Variants in SCAMP1 observed in about 807,000 individuals in gnomAD.
SCAMP1 encodes secretory carrier membrane protein 1, also known as secretory carrier-associated membrane protein 1.
SCAMP1 carries 15 observed loss-of-function variants against 41.8 expected under a neutral mutation model. The ratio of observed to expected loss-of-function variants is 0.36; its 90% CI spans 0.24 to 0.55. The LOEUF is 0.55. Ranked by LOEUF, SCAMP1 falls within the 20% of genes least tolerant of loss-of-function variation. The pLI, the probability that SCAMP1 is intolerant of heterozygous loss-of-function variation, is 0.86. For missense variants in SCAMP1, 341 were observed against 412.6 expected (o/e 0.83, Z 1.50); for synonymous variants, 135 against 136.8 (o/e 0.99, Z 0.09).
In SCAMP1 at chr5:78,479,199, T is replaced by G. The variant is rs1167935562; in HGVS notation, c.*3531T>G. ...CATATACCATTTCACTATATCTCCT[T>G]TCAGTTTTTCCTTAAGGAAAATGTT... On this transcript the variant is annotated 3_prime_UTR_variant, in exon 9 of 9. Transcript: ENST00000621999. 1 of 152,184 alleles carries G rather than the reference T, an allele frequency of 6.6e-6. No individual in the cohort carries two copies. The highest frequency in any genetic ancestry group is 1.5e-5 in the Non-Finnish European group (1 of 68,006). 9.4% of individuals were successfully genotyped at this position (152,184 alleles called of 1,614,324 possible).
intron 6 of SCAMP1, among the ~76,000 whole-genome samples, chr5:78,436,932 T>C (rs1752772120): frequency 6.6e-6 from 1 of 152,166 alleles, no homozygotes; most frequent in African/African-American, 2.4e-5. Flanking sequence ...CTTGAAGGGG[T>C]CCTTCACATC....
chr5:78,395,050 A>G (rs1751616553), intron 2 of SCAMP1, among the ~76,000 whole-genome samples: 1 of 152,148 alleles, frequency 6.6e-6, no homozygotes, highest in African/African-American at 2.4e-5. Flanking sequence ...TATTTTCCTA[A>G]AGCAGAGGTC....
chr5:78,404,553 G>T (rs1751886264), intron 2 of SCAMP1, among the ~76,000 whole-genome samples: 1 of 147,810 alleles, frequency 6.8e-6, no homozygotes, highest in African/African-American at 2.5e-5. Context: ...GTGTTCAGAA[G>T]CACTCTATAG....
intron 6 of SCAMP1, among the ~76,000 whole-genome samples, chr5:78,430,146 T>TTGTTTATAAATACTG (rs1752573605): frequency 2.0e-5 from 1 of 49,312 alleles, no homozygotes; most frequent in African/African-American, 7.2e-5. Flanking sequence ...AATACAGTAT[T>TTGTTTATAAATACTG]TATTTATAAA....
At position 78,380,906 on chromosome 5, in the gene SCAMP1, A is replaced by G. The variant is rs1172045991; in HGVS notation, c.58-7931A>G. Reference sequence around the variant, plus strand: ...CATGGTGAAACCCTGTCTCTACTAAAAATACAAAAATTAGCCAGGCATGGT... The same window carrying G: ...CATGGTGAAACCCTGTCTCTACTAAGAATACAAAAATTAGCCAGGCATGGT... On this transcript the variant is annotated intron_variant, in intron 1 of 8. Coordinates refer to ENST00000621999, the MANE Select transcript of SCAMP1 (RefSeq NM_004866.6). Among the ~76,000 whole-genome samples, 3 of 152,292 alleles carry G rather than the reference A, an allele frequency of 2.0e-5. No homozygotes were observed. The East Asian group carries it at 5.8e-4, about 29-fold the overall frequency.
At chr5:78,475,347 A>G (rs1472321011) in intron 8 of SCAMP1, among the ~76,000 whole-genome samples, 157 bp from the exon 9 acceptor site, 1 of 152,124 alleles carries the variant, frequency 6.6e-6, no homozygotes, top group African/African-American at 2.4e-5. Context: ...TTTAAATACA[A>G]TTATTGTGTG....
At chr5:78,390,859 C>G (rs1403025253) in intron 2 of SCAMP1, among the ~76,000 whole-genome samples, 8 of 150,134 alleles carry the variant, frequency 5.3e-5, no homozygotes, top group Admixed American at 2.7e-4. Context: ...TGACTCTTAA[C>G]GAGCATGCTG....
chr5:78,373,503 C>G lies in SCAMP1; in HGVS notation c.57+12775C>G, dbSNP rs539107160. Reference sequence around the variant, plus strand: ...GCCACATGGGGATAAAATTACACCTCTATTTTTTAAATCTTTCTTAAGGAT... The same window carrying G: ...GCCACATGGGGATAAAATTACACCTGTATTTTTTAAATCTTTCTTAAGGAT... On this transcript the variant is annotated intron_variant, in intron 1 of 8. Transcript: ENST00000621999. 5.3e-5 allele frequency among the ~76,000 whole-genome samples: 8 copies of G among 152,184 alleles called. No individual in the cohort carries two copies. In the South Asian group the frequency reaches 1.0e-3, roughly 20 times the overall value.
intron 2 of SCAMP1, among the ~76,000 whole-genome samples, chr5:78,393,733 C>T (rs1368328107): frequency 6.6e-6 from 1 of 152,090 alleles, no homozygotes; most frequent in African/African-American, 2.4e-5. Flanking sequence ...GGTTTTCTGG[C>T]CTACCCTCTA....
intron 8 of SCAMP1, among the ~76,000 whole-genome samples, chr5:78,464,755 A>T (rs1046762687): frequency 6.6e-6 from 1 of 152,124 alleles, no homozygotes; most frequent in Non-Finnish European, 1.5e-5. Flanking sequence ...CTAATGATGA[A>T]ATCACTTTTA....
At chr5:78,448,554 TCAA>T (rs767684511) in intron 6 of SCAMP1, among the ~76,000 whole-genome samples, 86 of 152,312 alleles carry the variant, frequency 5.6e-4, no homozygotes, top group Non-Finnish European at 1.1e-3. Context: ...AAAAAGATGC[TCAA>T]CAACATTACT....
chr5:78,392,388 T>A (rs942889562), intron 2 of SCAMP1, among the ~76,000 whole-genome samples: 1 of 152,260 alleles, frequency 6.6e-6, no homozygotes, highest in Non-Finnish European at 1.5e-5. Context: ...TTTTGCCTTT[T>A]TCATTTTGCT....
chr5:78,468,095 G>T (rs1046816351), intron 8 of SCAMP1, among the ~76,000 whole-genome samples: 8 of 152,050 alleles, frequency 5.3e-5, no homozygotes, highest in African/African-American at 1.2e-4. Flanking sequence ...ATAGGATTTT[G>T]GTAATTTCGT....
chr5:78,434,770 A>C (rs572513057), intron 6 of SCAMP1, among the ~76,000 whole-genome samples: 17 of 152,304 alleles, frequency 1.1e-4, no homozygotes, highest in African/African-American at 4.1e-4. Flanking sequence ...CTTCTGAAAA[A>C]CTGTGATGCA....
At chr5:78,452,440 T>C (rs1365603015) in intron 7 of SCAMP1, among the ~76,000 whole-genome samples, 1 of 134,176 alleles carries the variant, frequency 7.5e-6, no homozygotes, top group African/African-American at 2.8e-5. Flanking sequence ...TATGCGGTGT[T>C]TGGTTTTTTG....
chr5:78,388,843 T>C lies in SCAMP1; in HGVS notation c.64T>C (p.Ser22Pro). 1 of 1,515,392 alleles carries C rather than the reference T, an allele frequency of 6.6e-7. No individual in the cohort carries two copies. Among genetic ancestry groups the C allele is most frequent in the Non-Finnish European group, 9.1e-7 (1 of 1,098,292 alleles). The allele number at this position is 1,515,392 out of a possible 1,614,324, so 93.9% of individuals were successfully genotyped here. The change falls in exon 2 of 9, where the codon TCA becomes CCA. Residue 22 changes from serine (S) to proline (P), a missense_variant. By Grantham distance (74) the Ser-to-Pro change is moderately conservative. Coordinates refer to ENST00000621999, the MANE Select transcript of SCAMP1 (RefSeq NM_004866.6). ...CCTTTGAATTTTATTCTAGGATCCA[T>C]CAGTTACACAAGTGACAAGAAATGT... ...PDLNNPFKDP[S>P]VTQVTRNVPP...
intron 4 of SCAMP1, among the ~76,000 whole-genome samples, chr5:78,418,147 A>C (rs1437833591): frequency 1.3e-5 from 2 of 152,052 alleles, no homozygotes; most frequent in African/African-American, 4.8e-5. Flanking sequence ...AAGGTTCTAT[A>C]ATTCTTCAGC....
chr5:78,403,746 A>C (rs1751855205), intron 2 of SCAMP1, among the ~76,000 whole-genome samples: 1 of 151,870 alleles, frequency 6.6e-6, no homozygotes, highest in Non-Finnish European at 1.5e-5. Context: ...CGGGCGAATC[A>C]CTTGAGGTCA....
intron 2 of SCAMP1, among the ~76,000 whole-genome samples, chr5:78,409,247 G>A (rs902749881): frequency 2.0e-5 from 3 of 151,990 alleles, no homozygotes; most frequent in East Asian, 1.9e-4. Flanking sequence ...TTCTTGTTGC[G>A]TTAGTTGTGT....
Sources: allele counts gnomAD v4.1 joint callset (sites outside exome capture counted in the v4.1 genomes callset), GRCh38; gene constraint gnomAD v4.1.1; transcripts MANE v1.5; gene names NCBI Gene and HGNC (gene_info 2026-07-23, HGNC 2026-07-21).